LGSN: variants seen among roughly 807,000 people sequenced by gnomAD.
LGSN encodes the protein lengsin.
In LGSN, 21 loss-of-function variants were observed where a neutral mutation model predicts 19.5. That is an observed-to-expected ratio of 1.07 (90% CI 0.76 to 1.55). LGSN has a LOEUF of 1.55. Among genes scored for constraint, LGSN ranks in the 40% most tolerant of loss-of-function variants. LGSN has a pLI of 0.00. For missense variants in LGSN, 673 were observed against 608.5 expected (o/e 1.11, Z -1.12); for synonymous variants, 257 against 215.6 (o/e 1.19, Z -1.68).
the LGSN span, among the ~76,000 whole-genome samples, chr6:63,374,321 T>G: frequency 1.3e-5 from 2 of 152,202 alleles, no homozygotes; most frequent in Admixed American, 6.5e-5. Context: ...TAGAGCGCCA[T>G]GATATTTTTC....
chr6:63,459,466 G>T, the LGSN span, among the ~76,000 whole-genome samples: 850 of 152,152 alleles, frequency 5.6e-3, 4 homozygotes, highest in Non-Finnish European at 8.9e-3. Context: ...TGTTGACTAA[G>T]TTGGTCTTGA....
At chr6:63,360,062 G>T in the LGSN span, among the ~76,000 whole-genome samples, 5 of 152,080 alleles carry the variant, frequency 3.3e-5, no homozygotes, top group African/African-American at 7.2e-5. Flanking sequence ...CCCTTTGTGA[G>T]TAACCCGACC....
At chr6:63,286,770 C>T (rs1469004783) in intron 2 of LGSN, among the ~76,000 whole-genome samples, 2 of 152,238 alleles carry the variant, frequency 1.3e-5, no homozygotes, top group South Asian at 4.1e-4. Context: ...ATCTACCTCC[C>T]TTCCAATCCT....
chr6:63,290,224 TACA>T (rs1767711428), intron 2 of LGSN, among the ~76,000 whole-genome samples: 1 of 152,158 alleles, frequency 6.6e-6, no homozygotes, highest in Non-Finnish European at 1.5e-5. Context: ...GAGAACTTAA[TACA>T]CCCTGAGCCA....
chr6:63,507,452 T>A, the LGSN span, among the ~76,000 whole-genome samples: 2 of 152,136 alleles, frequency 1.3e-5, no homozygotes, highest in Non-Finnish European at 2.9e-5. Context: ...ATTTATATCA[T>A]AAGTCTAATG....
chr6:63,477,083 C>T, the LGSN span, among the ~76,000 whole-genome samples: 1 of 152,090 alleles, frequency 6.6e-6, no homozygotes, highest in Non-Finnish European at 1.5e-5. Context: ...TTTTCTGATA[C>T]CAAAACTGTT....
At chr6:63,512,454 A>G in the LGSN span, among the ~76,000 whole-genome samples, 1 of 152,190 alleles carries the variant, frequency 6.6e-6, no homozygotes, top group East Asian at 1.9e-4. Context: ...TGGCTGGGGC[A>G]TATCTTGACA....
chr6:63,504,244 C>CT, the LGSN span, among the ~76,000 whole-genome samples: 143 of 144,186 alleles, frequency 9.9e-4, no homozygotes, highest in East Asian at 4.1e-3. Flanking sequence ...TCAAGCGATT[C>CT]TTTTTTTTTT....
the LGSN span, among the ~76,000 whole-genome samples, chr6:63,407,364 G>C: frequency 1.3e-5 from 2 of 152,042 alleles, no homozygotes; most frequent in African/African-American, 2.4e-5. Context: ...GGGATGCAAG[G>C]CTGGTTCAAT....
At chr6:63,567,498 A>G in the LGSN span, among the ~76,000 whole-genome samples, 1 of 152,222 alleles carries the variant, frequency 6.6e-6, no homozygotes, top group South Asian at 2.1e-4. Flanking sequence ...GTAGGTCTCA[A>G]CAGTGGACTT....
the LGSN span, among the ~76,000 whole-genome samples, chr6:63,460,193 C>T: frequency 1.4e-5 from 2 of 138,620 alleles, no homozygotes; most frequent in South Asian, 2.4e-4. Context: ...CTCCTGACCT[C>T]GTGATTCACC....
chr6:63,327,672 G>C, the LGSN span, among the ~76,000 whole-genome samples: 2 of 152,212 alleles, frequency 1.3e-5, no homozygotes, highest in Admixed American at 1.3e-4. Context: ...ATATGCCTTG[G>C]CTGGGTAGAT....
At chr6:63,288,251 AAATAAATAAATAAATAAAT>A (rs1409898309) in intron 2 of LGSN, among the ~76,000 whole-genome samples, 5 of 135,868 alleles carry the variant, frequency 3.7e-5, no homozygotes, top group Admixed American at 1.5e-4. Context: ...ATAAATAAAT[AAATAAATAAATAAATAAAT>A]AATAATAATA....
the LGSN span, among the ~76,000 whole-genome samples, chr6:63,479,285 A>C: frequency 6.6e-6 from 1 of 152,222 alleles, no homozygotes; most frequent in Non-Finnish European, 1.5e-5. Flanking sequence ...GAAAGGAAGT[A>C]ATAGATGCTG....
the LGSN span, among the ~76,000 whole-genome samples, chr6:63,547,006 A>T: frequency 1.3e-5 from 2 of 152,260 alleles, no homozygotes; most frequent in South Asian, 2.1e-4. Flanking sequence ...ATTCTTTTTT[A>T]AAAAGTTTTG....
chr6:63,572,207 C>G, the LGSN span: 1 of 158,512 alleles, frequency 6.3e-6, no homozygotes, highest in African/African-American at 2.4e-5. Context: ...CGGAATCTCT[C>G]TCGCTCCCAC....
At chr6:63,329,255 A>G in the LGSN span, among the ~76,000 whole-genome samples, 1 of 152,188 alleles carries the variant, frequency 6.6e-6, no homozygotes, top group East Asian at 1.9e-4. Flanking sequence ...GACCGTCCAC[A>G]TAAGTTGGGA....
At chr6:63,373,229 A>G in the LGSN span, among the ~76,000 whole-genome samples, 2 of 152,210 alleles carry the variant, frequency 1.3e-5, no homozygotes, top group Non-Finnish European at 2.9e-5. Flanking sequence ...CAATTAAGAA[A>G]TGATGAAAAG....
chr6:63,323,559 TACAC>T (rs58400159), upstream of LGSN, among the ~76,000 whole-genome samples: 5,161 of 132,734 alleles, frequency 0.039, 126 homozygotes, highest in South Asian at 0.059. Context: ...AAACCTCATA[TACAC>T]ACACACACAC....
Sources: gnomAD v4.1 joint callset for allele counts (sites outside exome capture counted in the v4.1 genomes callset) on GRCh38, gnomAD v4.1.1 for gene constraint, MANE v1.5 for transcripts, NCBI Gene and HGNC (gene_info 2026-07-23, HGNC 2026-07-21) for gene names.